The following ADAMTSL1 variants were observed in gnomAD, a reference collection of about 807,000 sequenced individuals.
ADAMTSL1 encodes the protein ADAMTS like 1.
A neutral mutation model predicts 201.8 loss-of-function variants in ADAMTSL1; 126 were observed. That is an observed-to-expected ratio of 0.62 (90% CI 0.54 to 0.72). ADAMTSL1 has a LOEUF of 0.72. Ranked by LOEUF, ADAMTSL1 falls within the 30% of genes least tolerant of loss-of-function variation. The pLI is 0.00. For synonymous variants in ADAMTSL1, 1,121 were observed against 903.4 expected, an observed-to-expected ratio of 1.24 and a Z score of -4.32; for missense variants, 2,679 against 2,277.8, an observed-to-expected ratio of 1.18 and a Z score of -3.59.
At chr9:18,672,871 C>T (rs1273053837) in intron 9 of ADAMTSL1, among the ~76,000 whole-genome samples, 1 of 148,458 alleles carries the variant, frequency 6.7e-6, no homozygotes, top group Non-Finnish European at 1.5e-5. Flanking sequence ...AGAATGATCA[C>T]TTGCTCATGC....
chr9:17,965,086 C>T (rs1295382928), intron 1 of ADAMTSL1, among the ~76,000 whole-genome samples: 1 of 151,922 alleles, frequency 6.6e-6, no homozygotes, highest in Non-Finnish European at 1.5e-5. Context: ...TTTACAATAA[C>T]AATAACATAT....
rs374382717 is a variant in ADAMTSL1 at position 18,314,528 on chromosome 9, GAGTTGTTCCTTCCTCCCGTCCGC to G, written c.207+150568_207+150590del. Among the ~76,000 whole-genome samples the G allele has an allele frequency of 4.3e-3, 655 of 151,964 alleles. 4 individuals are homozygous for G. The highest frequency in any genetic ancestry group is 0.015 in the African/African-American group (621 of 41,452). On this transcript the variant is annotated intron_variant, in intron 2 of 29. Transcript: ENST00000680146. ...TGGAGTTGTTTGTTCCTCCAGTCCA[GAGTTGTTCCTTCCTCCCGTCCGC>G]AGTTGTTCCTTCCTCCCGTCTGGAG...
chr9:18,775,827 A>C lies in ADAMTSL1; in HGVS notation c.2482A>C (p.Asn828His). The C allele has an allele frequency of 6.2e-7, 1 of 1,608,676 alleles. No individual in the cohort carries two copies. The highest frequency in any genetic ancestry group is 8.5e-7 in the Non-Finnish European group (1 of 1,177,320). The change falls in exon 18 of 29, where the codon AAT becomes CAT. Residue 828 changes from asparagine (N) to histidine (H), a missense_variant. Coordinates refer to ENST00000380548, the MANE Select transcript of ADAMTSL1 (RefSeq NM_001040272.6). ...MLKTGLSTVVNSTLCPPLPFS... is the reference protein window; with the variant it reads ...MLKTGLSTVVHSTLCPPLPFS... Reference sequence around the variant, plus strand: ...GAAAACCGGCCTCTCAACGGTTGTCAATTCCACCCTGTGCCCGCCCCTGCC... The same window carrying C: ...GAAAACCGGCCTCTCAACGGTTGTCCATTCCACCCTGTGCCCGCCCCTGCC...
chr9:17,959,800 G>C (rs777633886), intron 1 of ADAMTSL1, among the ~76,000 whole-genome samples: 1 of 151,952 alleles, frequency 6.6e-6, no homozygotes, highest in Non-Finnish European at 1.5e-5. Flanking sequence ...CTTCTACCCT[G>C]ACCCCTGCAT....
chr9:18,484,126 A>G (rs1162460118), intron 1 of ADAMTSL1, among the ~76,000 whole-genome samples: 4 of 152,206 alleles, frequency 2.6e-5, no homozygotes, highest in Admixed American at 6.5e-5. Flanking sequence ...AGAGCCTGCT[A>G]TATATCAGGC....
intron 15 of ADAMTSL1, among the ~76,000 whole-genome samples, chr9:18,735,593 T>C (rs530629486): frequency 2.0e-5 from 3 of 152,182 alleles, no homozygotes; most frequent in South Asian, 4.2e-4. Flanking sequence ...AGAGTAAAAG[T>C]GTCAGGAAAT....
At chr9:18,245,521 G>A (rs1235233629) in intron 2 of ADAMTSL1, among the ~76,000 whole-genome samples, 1 of 152,070 alleles carries the variant, frequency 6.6e-6, no homozygotes, top group Non-Finnish European at 1.5e-5. Context: ...ACAAAAACTG[G>A]AGTTGAAAAT....
chr9:18,670,288 C>G (rs990131578), intron 9 of ADAMTSL1, among the ~76,000 whole-genome samples: 12 of 152,184 alleles, frequency 7.9e-5, no homozygotes, highest in Non-Finnish European at 1.2e-4. Flanking sequence ...AGCACGGTAT[C>G]TGAAAGACAC....
intron 2 of ADAMTSL1, among the ~76,000 whole-genome samples, chr9:18,232,475 C>G (rs1408404353): frequency 6.6e-6 from 1 of 152,150 alleles, no homozygotes; most frequent in Non-Finnish European, 1.5e-5. Context: ...ACCCACTTAT[C>G]TTGTTTATTC....
chr9:18,172,242 G>A (rs532635933), intron 2 of ADAMTSL1, among the ~76,000 whole-genome samples: 1 of 151,852 alleles, frequency 6.6e-6, no homozygotes, highest in South Asian at 2.1e-4. Flanking sequence ...AAACCTGCAC[G>A]TTCTACACAT....
Position 18,889,672 on chromosome 9 carries a change from A to T in ADAMTSL1, c.4567A>T (p.Asn1523Tyr). ...GTGCCTGCTGAACAGCACGGAGGTC[A>T]ACCCTGCCCACTGCGCAGGGAAGGT... Reference protein sequence around the residue: ...LRCLLNSTEVNPAHCAGKVRP... With the variant: ...LRCLLNSTEVYPAHCAGKVRP... Residue 1523 changes from asparagine to tyrosine, a missense_variant, in exon 25 of 29, where the codon AAC becomes TAC. By Grantham distance (143) the Asn-to-Tyr change is moderately radical. Coordinates refer to ENST00000380548, the MANE Select transcript of ADAMTSL1 (RefSeq NM_001040272.6). 6.2e-7 allele frequency: 1 copy of T among 1,606,304 alleles called. No homozygotes were observed. The highest frequency in any genetic ancestry group is 8.5e-7 in the Non-Finnish European group (1 of 1,176,200).
chr9:18,114,505 A>G (rs1335389660), intron 1 of ADAMTSL1, among the ~76,000 whole-genome samples: 1 of 152,092 alleles, frequency 6.6e-6, no homozygotes, highest in African/African-American at 2.4e-5. Flanking sequence ...GAGGGAGGAG[A>G]GGAAAACCTG....
chr9:17,966,921 A>G (rs578064266), intron 1 of ADAMTSL1, among the ~76,000 whole-genome samples: 5 of 152,262 alleles, frequency 3.3e-5, no homozygotes, highest in African/African-American at 1.2e-4. Flanking sequence ...TGATTTTCCA[A>G]CATCTTTGAA....
At chr9:18,271,337 C>T (rs1168242570) in intron 2 of ADAMTSL1, among the ~76,000 whole-genome samples, 1 of 152,058 alleles carries the variant, frequency 6.6e-6, no homozygotes, top group Non-Finnish European at 1.5e-5. Flanking sequence ...CCCACTCCCC[C>T]CACCCCACAA....
At chr9:18,000,955 A>T (rs1398918951) in intron 1 of ADAMTSL1, among the ~76,000 whole-genome samples, 1 of 152,076 alleles carries the variant, frequency 6.6e-6, no homozygotes. Context: ...GCACTATCCC[A>T]TCCCTAGAGA....
chr9:18,388,685 T>C (rs12006171), intron 2 of ADAMTSL1, among the ~76,000 whole-genome samples: 3,081 of 152,114 alleles, frequency 0.02, 101 homozygotes, highest in African/African-American at 0.07. Context: ...TTTTTTCCTC[T>C]CTACTGGTTT....
chr9:18,145,151 G>A (rs1826581433), intron 1 of ADAMTSL1, among the ~76,000 whole-genome samples: 3 of 152,164 alleles, frequency 2.0e-5, no homozygotes, highest in Admixed American at 6.5e-5. Context: ...GCATTTATAT[G>A]TTAAAAGTAG....
intron 2 of ADAMTSL1, among the ~76,000 whole-genome samples, chr9:18,364,695 G>A (rs1836691165): frequency 6.6e-6 from 1 of 152,114 alleles, no homozygotes; most frequent in Non-Finnish European, 1.5e-5. Context: ...AAAGAAAAGA[G>A]GTTTAATTGG....
intron 23 of ADAMTSL1, among the ~76,000 whole-genome samples, chr9:18,873,275 T>C (rs747485375): frequency 3.3e-5 from 5 of 152,252 alleles, no homozygotes; most frequent in Non-Finnish European, 5.9e-5. Context: ...GATTATTTCC[T>C]TTGCTGTTGA....
Sources: gnomAD v4.1 joint callset for allele counts (sites outside exome capture counted in the v4.1 genomes callset) on GRCh38, gnomAD v4.1.1 for gene constraint, MANE v1.5 for transcripts, NCBI Gene and HGNC (gene_info 2026-07-23, HGNC 2026-07-21) for gene names.